The following CSTPP1 variants were observed in gnomAD, a reference collection of about 807,000 sequenced individuals.
CSTPP1 encodes the protein UPF0705 protein C11orf49.
At chr11:46,987,336 A>G in the CSTPP1 span, 30 of 1,585,684 alleles carry the variant, frequency 1.9e-5, no homozygotes, top group Admixed American at 5.0e-5. Context: ...TTGTACTAAT[A>G]CAGTGAACCC....
At chr11:47,144,850 G>A in the CSTPP1 span, among the ~76,000 whole-genome samples, 2 of 152,200 alleles carry the variant, frequency 1.3e-5, no homozygotes, top group African/African-American at 2.4e-5. Context: ...ACACATGGCC[G>A]GACCACATCC....
the CSTPP1 span, among the ~76,000 whole-genome samples, chr11:47,049,599 C>A: frequency 6.6e-6 from 1 of 151,934 alleles, no homozygotes; most frequent in Non-Finnish European, 1.5e-5. Flanking sequence ...CAAGATGGGG[C>A]CACTGCACTC....
At chr11:47,015,762 C>A in the CSTPP1 span, among the ~76,000 whole-genome samples, 1 of 151,910 alleles carries the variant, frequency 6.6e-6, no homozygotes, top group African/African-American at 2.4e-5. Flanking sequence ...TAAATTGAAT[C>A]CAACAATATA....
At chr11:47,153,253 A>G in the CSTPP1 span, among the ~76,000 whole-genome samples, 2 of 152,118 alleles carry the variant, frequency 1.3e-5, no homozygotes, top group African/African-American at 4.8e-5. Context: ...CCTGTGAACT[A>G]CTGACAGAGG....
At chr11:47,162,034 A>G in the CSTPP1 span, 1 of 1,006,606 alleles carries the variant, frequency 9.9e-7, no homozygotes. Context: ...ATAGCCACGC[A>G]GGGCCTTGCA....
the CSTPP1 span, chr11:47,157,033 C>T: frequency 6.2e-7 from 1 of 1,614,088 alleles, no homozygotes; most frequent in Non-Finnish European, 8.5e-7. Flanking sequence ...AATTCCTGGA[C>T]AGTGTGGCTG....
the CSTPP1 span, among the ~76,000 whole-genome samples, chr11:47,122,112 A>ATATT: frequency 7.5e-6 from 1 of 132,608 alleles, no homozygotes; most frequent in Non-Finnish European, 1.6e-5. Context: ...ATATATATAT[A>ATATT]TATATATTAG....
chr11:46,993,363 CTT>C, the CSTPP1 span, among the ~76,000 whole-genome samples: 3 of 140,660 alleles, frequency 2.1e-5, no homozygotes. Context: ...CTTTTCTTTT[CTT>C]TTTTTTTTTG....
chr11:46,943,174 G>A, the CSTPP1 span, among the ~76,000 whole-genome samples: 1 of 152,134 alleles, frequency 6.6e-6, no homozygotes, highest in African/African-American at 2.4e-5. Flanking sequence ...CTAAACATGA[G>A]TAGCTAACAA....
the CSTPP1 span, among the ~76,000 whole-genome samples, chr11:47,115,657 A>G: frequency 3.3e-5 from 5 of 151,856 alleles, no homozygotes; most frequent in South Asian, 1.0e-3. Context: ...CGGTGATGAT[A>G]TCCCCTTTAA....
the CSTPP1 span, among the ~76,000 whole-genome samples, chr11:47,129,300 C>T: frequency 2.0e-5 from 3 of 152,094 alleles, no homozygotes; most frequent in Admixed American, 6.5e-5. Flanking sequence ...GATGGGCTGC[C>T]GGAGCCTTTG....
the CSTPP1 span, among the ~76,000 whole-genome samples, chr11:47,076,058 C>T: frequency 6.6e-6 from 1 of 151,846 alleles, no homozygotes; most frequent in Non-Finnish European, 1.5e-5. Flanking sequence ...CCAGATCCCT[C>T]CCCCAACTTC....
chr11:47,031,969 G>A, the CSTPP1 span, among the ~76,000 whole-genome samples: 1 of 152,044 alleles, frequency 6.6e-6, no homozygotes, highest in Non-Finnish European at 1.5e-5. Context: ...AGCCTGGAAG[G>A]GTAGGCCAGT....
At chr11:46,947,328 G>T in the CSTPP1 span, among the ~76,000 whole-genome samples, 1 of 152,086 alleles carries the variant, frequency 6.6e-6, no homozygotes, top group East Asian at 1.9e-4. Context: ...TTCCCTAGGG[G>T]CCTTAGGAAA....
At chr11:46,936,984 TC>T in the CSTPP1 span, 1 of 1,214,818 alleles carries the variant, frequency 8.2e-7, no homozygotes, top group Non-Finnish European at 1.1e-6. Context: ...AGGCGGGGGT[TC>T]CAGGGCCTGA....
chr11:46,948,611 C>T, the CSTPP1 span, among the ~76,000 whole-genome samples: 1 of 152,078 alleles, frequency 6.6e-6, no homozygotes, highest in Non-Finnish European at 1.5e-5. Context: ...AAGAAATGTA[C>T]TCTTCCCCAA....
chr11:47,038,728 G>A, the CSTPP1 span, among the ~76,000 whole-genome samples: 1 of 124,088 alleles, frequency 8.1e-6, no homozygotes, highest in Non-Finnish European at 1.9e-5. Context: ...GGGCAGAGAC[G>A]CTCCTCACTT....
At chr11:47,061,123 T>C in the CSTPP1 span, among the ~76,000 whole-genome samples, 2 of 152,196 alleles carry the variant, frequency 1.3e-5, no homozygotes, top group East Asian at 3.8e-4. Context: ...TATGTTTCAC[T>C]CTGAATTCAC....
chr11:47,109,450 C>T, the CSTPP1 span: 1 of 152,186 alleles, frequency 6.6e-6, no homozygotes, highest in Non-Finnish European at 1.5e-5. Context: ...AATTGGCTCA[C>T]TGAACCACTC....
Sources: allele counts gnomAD v4.1 joint callset (sites outside exome capture counted in the v4.1 genomes callset), GRCh38; gene constraint gnomAD v4.1.1; transcripts MANE v1.5; gene names NCBI Gene and HGNC (gene_info 2026-07-23, HGNC 2026-07-21).